The following TTC3 variants were observed in gnomAD, a reference collection of about 807,000 sequenced individuals.
TTC3 encodes E3 ubiquitin-protein ligase TTC3.
A neutral mutation model predicts 249.6 loss-of-function variants in TTC3; 180 were observed. The ratio of observed to expected loss-of-function variants is 0.72; its 90% CI spans 0.64 to 0.82. The LOEUF is 0.82. TTC3 is among the 40% of genes least tolerant of loss of function. The probability of loss-of-function intolerance (pLI) is 0.00; values close to 1 mark genes in which losing one functional copy is unlikely to be tolerated. For missense variants in TTC3, 2,061 were observed against 2,398.4 expected (o/e 0.86, Z 2.94); for synonymous variants, 717 against 805.0 (o/e 0.89, Z 1.85).
chr21:37,170,141 A>G (rs185018786), intron 34 of TTC3, among the ~76,000 whole-genome samples: 4 of 152,364 alleles, frequency 2.6e-5, no homozygotes, highest in Non-Finnish European at 5.9e-5. Context: ...TGTATATCCT[A>G]TATGCATAGC....
chr21:37,151,698 C>T (rs1055537636), intron 25 of TTC3, among the ~76,000 whole-genome samples, 195 bp from the exon 26 acceptor site: 4 of 152,270 alleles, frequency 2.6e-5, no homozygotes, highest in South Asian at 2.1e-4. Flanking sequence ...ATCACCTAAT[C>T]ATTGAGGTTT....
At chr21:37,173,905 A>T (rs1351549312) in intron 35 of TTC3, among the ~76,000 whole-genome samples, 4 of 152,256 alleles carry the variant, frequency 2.6e-5, no homozygotes, top group African/African-American at 4.8e-5. Context: ...CACATGGAAC[A>T]CAAGTTTCTA....
intron 8 of TTC3, 136 bp downstream of exon 8, chr21:37,094,226 C>A (rs982797596): frequency 3.9e-6 from 2 of 514,352 alleles, no homozygotes; most frequent in Admixed American, 3.8e-5. Context: ...GAACTAATAT[C>A]TTGATCAGAG....
At chr21:37,150,225 T>C in intron 24 of TTC3, 55 bp downstream of exon 24, 1 of 1,234,312 alleles carries the variant, frequency 8.1e-7, no homozygotes, top group Non-Finnish European at 1.2e-6. Context: ...TTTACACCTT[T>C]TGAAACATGA....
chr21:37,130,821 C>T (rs1042445492), intron 16 of TTC3, among the ~76,000 whole-genome samples: 3 of 151,626 alleles, frequency 2.0e-5, no homozygotes, highest in Middle Eastern at 3.4e-3. Context: ...AGGGATAGAT[C>T]AGACAGTACT....
rs536982894 is a variant in TTC3, at chr21:37,154,067, A to G, written c.2740+790A>G. 1.2e-4 allele frequency among the ~76,000 whole-genome samples: 18 copies of G among 152,372 alleles called. No homozygotes were observed. The South Asian group carries it at 1.2e-3, about 11-fold the overall frequency. ...ATGCAGGACTGCAGAAGGCAGCTGC[A>G]GATACAGTTGTTGTGTAACACGAGG... On this transcript the variant is annotated intron_variant, in intron 27 of 45. Coordinates refer to ENST00000355666, the Ensembl canonical transcript of TTC3.
chr21:37,121,039 G>A (rs1164876012), intron 11 of TTC3, among the ~76,000 whole-genome samples: 1 of 152,184 alleles, frequency 6.6e-6, no homozygotes, highest in African/African-American at 2.4e-5. Context: ...TGGGAATTTG[G>A]TTTGGGAGGA....
intron 22 of TTC3, 108 bp downstream of exon 22, chr21:37,147,711 T>C: frequency 7.5e-7 from 1 of 1,329,708 alleles, no homozygotes. Flanking sequence ...TAGTTAGCAG[T>C]CGTCCACCCC....
chr21:37,166,242 C>T (rs2148076553), exon 33 of TTC3: 1 of 1,614,168 alleles, frequency 6.2e-7, no homozygotes, highest in East Asian at 2.2e-5. Flanking sequence ...CCAGGTTTGC[C>T]CCAGTACACC....
chr21:37,090,589 G>A, intron 6 of TTC3: 1 of 927,104 alleles, frequency 1.1e-6, no homozygotes, highest in Non-Finnish European at 1.3e-6. Flanking sequence ...TTAGGCCTCT[G>A]GTATGAATAT....
intron 10 of TTC3, among the ~76,000 whole-genome samples, chr21:37,099,892 A>G (rs1305490777): frequency 6.6e-6 from 1 of 152,212 alleles, no homozygotes; most frequent in Non-Finnish European, 1.5e-5. Flanking sequence ...ATGGCCATCA[A>G]TAGGGGAATG....
Position 37,090,481 on chromosome 21 carries a change from T to A in TTC3, c.480+195T>A, listed in dbSNP as rs12482285. On this transcript the variant is annotated intron_variant, in intron 6 of 45. Coordinates refer to ENST00000355666, the Ensembl canonical transcript of TTC3. ...TCATTTTCTCTCTTTTTTTTTTTTT[T>A]ACCCATGTACATAGTGTAATTTTGA... The A allele has an allele frequency of 4.8e-3, 2,824 of 583,044 alleles. 136 individuals are homozygous for A. In the Admixed American group the frequency reaches 0.11, roughly 24 times the overall value. 36.1% of individuals were successfully genotyped at this position (583,044 alleles called of 1,614,324 possible).
At position 37,138,729 on chromosome 21, in the gene TTC3, A is replaced by G; in HGVS notation, c.1659+15A>G. On this transcript the variant is annotated intron_variant, in intron 19 of 45. Transcript: ENST00000355666. ...GACAGCCTGAGGTAAGATTTGTAAC[A>G]GTGGTAATAAACAATTAAAATGATA... is the stretch of plus-strand genomic sequence containing the variant. The G allele has an allele frequency of 5.7e-6, 9 of 1,565,350 alleles. No individual in the cohort carries two copies. The highest frequency in any genetic ancestry group is 1.4e-5 in the African/African-American group (1 of 73,932).
In TTC3 at chr21:37,187,072, TGAAAATA is replaced by T. The variant is rs1480851268; in HGVS notation, c.4854_4860del (p.Ile1619SerfsTer3). The stretch of plus-strand genomic sequence containing the variant: ...AGCAACACACTTACAAATGAGAAAA[TGAAAATA>T]GAAGAGTATATAAAGAAAGGGAAAG... On this transcript the variant is annotated frameshift_variant, in exon 38 of 46. Coordinates refer to ENST00000355666, the Ensembl canonical transcript of TTC3. LOFTEE classifies it high-confidence loss of function. The T allele has an allele frequency of 6.5e-7, 1 of 1,548,608 alleles. No individual in the cohort carries two copies. Among genetic ancestry groups the T allele is most frequent in the African/African-American group, 1.4e-5 (1 of 70,550 alleles).
intron 3 of TTC3, 50 bp downstream of exon 3, chr21:37,087,925 G>A: frequency 1.4e-6 from 2 of 1,400,124 alleles, no homozygotes; most frequent in South Asian, 1.2e-5. Flanking sequence ...ACTACAAAGG[G>A]AGGTCCATCC....
chr21:37,088,728 G>A (rs2072857663), intron 4 of TTC3, 71 bp from the exon 5 acceptor site: 5 of 1,381,294 alleles, frequency 3.6e-6, no homozygotes, highest in Non-Finnish European at 5.0e-6. Flanking sequence ...GAGATATATA[G>A]CTAAGCATAA....
chr21:37,136,133 G>C (rs547402997), intron 18 of TTC3, among the ~76,000 whole-genome samples: 9 of 152,248 alleles, frequency 5.9e-5, no homozygotes, highest in Non-Finnish European at 8.8e-5. Flanking sequence ...CTGCCAACCA[G>C]CTGTTATCTC....
intron 24 of TTC3, 125 bp from the exon 25 acceptor site, chr21:37,150,695 C>T: frequency 2.9e-6 from 2 of 698,696 alleles, no homozygotes; most frequent in Non-Finnish European, 5.1e-6. Flanking sequence ...TGGGTCAGAA[C>T]ATCATCACTG....
intron 23 of TTC3, 59 bp downstream of exon 23, chr21:37,148,706 C>G: frequency 1.7e-6 from 2 of 1,150,062 alleles, no homozygotes; most frequent in Non-Finnish European, 2.4e-6. Context: ...TCAATTTTTC[C>G]CCCAAGAATT....
Sources: gnomAD v4.1 joint callset for allele counts (sites outside exome capture counted in the v4.1 genomes callset) on GRCh38, gnomAD v4.1.1 for gene constraint, MANE v1.5 for transcripts, NCBI Gene and HGNC (gene_info 2026-07-23, HGNC 2026-07-21) for gene names.